Variants in WWC1 observed in about 807,000 individuals in gnomAD.
WWC1 encodes protein KIBRA.
Under a neutral mutation model 138.4 loss-of-function variants are expected in WWC1, and 55 were observed. The ratio of observed to expected loss-of-function variants is 0.40; its 90% CI spans 0.32 to 0.50. The LOEUF (loss-of-function observed/expected upper bound fraction) is 0.50, where lower values mean the gene tolerates loss of function less well. Ranked by LOEUF, WWC1 falls within the 20% of genes least tolerant of loss-of-function variation. The probability of loss-of-function intolerance (pLI) is 0.72; values close to 1 mark genes in which losing one functional copy is unlikely to be tolerated. For missense variants in WWC1, 1,226 were observed against 1,420.4 expected (o/e 0.86, Z 2.20); for synonymous variants, 524 against 564.9 (o/e 0.93, Z 1.03).
chr5:168,415,041 C>T (rs1780501801), intron 9 of WWC1: 1 of 163,202 alleles, frequency 6.1e-6, no homozygotes, highest in Admixed American at 5.7e-5. Flanking sequence ...GTTTGTGACT[C>T]ACCAAATTGA....
At chr5:168,423,168 A>C (rs1221909255) in intron 10 of WWC1, among the ~76,000 whole-genome samples, 4 of 146,508 alleles carry the variant, frequency 2.7e-5, no homozygotes, top group African/African-American at 5.0e-5. Context: ...AAAAAAAAAA[A>C]AAAACACAGT....
intron 19 of WWC1, among the ~76,000 whole-genome samples, chr5:168,456,277 C>G (rs1246659914): frequency 6.6e-6 from 1 of 151,882 alleles, no homozygotes; most frequent in Non-Finnish European, 1.5e-5. Flanking sequence ...GCACTCCAGC[C>G]TGGGCAACAG....
rs78190947 is a variant in WWC1 at position 168,323,644 on chromosome 5, A to G, written c.119+31373A>G. Among the ~76,000 whole-genome samples the G allele has an allele frequency of 1.6e-3, 241 of 152,330 alleles. 5 individuals are homozygous for G. The East Asian group carries it at 0.041, about 26-fold the overall frequency. On this transcript the variant is annotated intron_variant, in intron 1 of 22. Coordinates refer to ENST00000265293, the MANE Select transcript of WWC1 (RefSeq NM_015238.3). Reference sequence around the variant, plus strand: ...TTTAGCAATTTGTGGGACATTATTAATCAGTCTAAGAAATGTGTATTTGCA... The same window carrying G: ...TTTAGCAATTTGTGGGACATTATTAGTCAGTCTAAGAAATGTGTATTTGCA...
chr5:168,365,599 T>C (rs577858932), intron 1 of WWC1, among the ~76,000 whole-genome samples: 10 of 152,162 alleles, frequency 6.6e-5, no homozygotes, highest in Non-Finnish European at 1.2e-4. Context: ...CGTAGGAAAG[T>C]AACTACCAGT....
chr5:168,301,993 C>CAGGG (rs1444739065), intron 1 of WWC1, among the ~76,000 whole-genome samples: 3 of 152,204 alleles, frequency 2.0e-5, no homozygotes, highest in African/African-American at 7.2e-5. Flanking sequence ...CCAGTCTTAT[C>CAGGG]AGGGGCAAGC....
chr5:168,356,068 A>G (rs1280956013), intron 1 of WWC1, among the ~76,000 whole-genome samples: 1 of 152,236 alleles, frequency 6.6e-6, no homozygotes, highest in Non-Finnish European at 1.5e-5. Flanking sequence ...CACACAGAGC[A>G]TGGGGATCGG....
intron 1 of WWC1, among the ~76,000 whole-genome samples, chr5:168,362,941 C>T (rs1775987098): frequency 6.6e-6 from 1 of 152,130 alleles, no homozygotes; most frequent in South Asian, 2.1e-4. Context: ...CCAGCCCTCC[C>T]TCCTCTTCTT....
rs536882415 is a variant in WWC1 at position 168,346,737 on chromosome 5, T to C, written c.120-24687T>C. 2.6e-5 allele frequency among the ~76,000 whole-genome samples: 4 copies of C among 152,252 alleles called. No homozygotes were observed. The East Asian group carries it at 5.8e-4, about 22-fold the overall frequency. On this transcript the variant is annotated intron_variant, in intron 1 of 22. Coordinates refer to ENST00000265293, the MANE Select transcript of WWC1 (RefSeq NM_015238.3). ...CATGCTTGGTATGCTGTGAGTGAGA[T>C]TGTTCTGTAAGTTGGTGGTGGCTTA...
intron 1 of WWC1, chr5:168,316,901 C>G (rs1305763169): frequency 6.6e-6 from 1 of 152,148 alleles, no homozygotes; most frequent in African/African-American, 2.4e-5. Flanking sequence ...TCCCTTCTCA[C>G]CAAATTACAC....
intron 1 of WWC1, among the ~76,000 whole-genome samples, chr5:168,315,760 C>T (rs1051251359): frequency 6.6e-6 from 1 of 152,028 alleles, no homozygotes; most frequent in Non-Finnish European, 1.5e-5. Context: ...GACGAATGGT[C>T]GCTTCCCGTT....
At chr5:168,430,273 T>C in intron 14 of WWC1, 50 bp downstream of exon 14, 1 of 1,517,134 alleles carries the variant, frequency 6.6e-7, no homozygotes, top group Non-Finnish European at 9.1e-7. Flanking sequence ...CCTCTGGAGT[T>C]ACCCCTGGGG....
At chr5:168,399,319 C>G (rs1438451172) in intron 4 of WWC1, among the ~76,000 whole-genome samples, 169 bp from the exon 5 acceptor site, 2 of 152,166 alleles carry the variant, frequency 1.3e-5, no homozygotes, top group Non-Finnish European at 2.9e-5. Flanking sequence ...AGACCAAGGC[C>G]AACATCGGTG....
chr5:168,408,028 ATTTTTTT>A (rs1181472544), intron 6 of WWC1, among the ~76,000 whole-genome samples: 1 of 117,454 alleles, frequency 8.5e-6, no homozygotes, highest in African/African-American at 3.2e-5. Flanking sequence ...ACATCCAGCT[ATTTTTTT>A]TTTTTTTTTT....
chr5:168,333,195 G>A (rs1209324403), intron 1 of WWC1, among the ~76,000 whole-genome samples: 2 of 152,184 alleles, frequency 1.3e-5, no homozygotes, highest in Non-Finnish European at 2.9e-5. Context: ...GAAGCTCACA[G>A]GGGTTTCAAA....
At chr5:168,337,881 T>C (rs1286450439) in intron 1 of WWC1, among the ~76,000 whole-genome samples, 1 of 152,150 alleles carries the variant, frequency 6.6e-6, no homozygotes. Context: ...GAGGATGGCA[T>C]TCCTGGCATG....
At chr5:168,316,065 C>G (rs945497518) in intron 1 of WWC1, among the ~76,000 whole-genome samples, 16 of 152,334 alleles carry the variant, frequency 1.1e-4, no homozygotes, top group Admixed American at 4.6e-4. Flanking sequence ...AGGCCTCCCC[C>G]CTCTTTTCAG....
intron 15 of WWC1, among the ~76,000 whole-genome samples, chr5:168,434,159 T>A (rs1451415697): frequency 1.3e-5 from 2 of 152,220 alleles, no homozygotes; most frequent in Admixed American, 6.5e-5. Context: ...TATTTTCTTC[T>A]CCTAATTGGA....
intron 18 of WWC1, among the ~76,000 whole-genome samples, chr5:168,454,588 G>A (rs1756133837): frequency 6.6e-6 from 1 of 152,176 alleles, no homozygotes; most frequent in Admixed American, 6.5e-5. Flanking sequence ...ATTACAGCAG[G>A]ATTCACTCTC....
chr5:168,399,392 A>C (rs1394310946), intron 4 of WWC1, 96 bp from the exon 5 acceptor site: 14 of 1,274,044 alleles, frequency 1.1e-5, no homozygotes, highest in Non-Finnish European at 1.6e-5. Context: ...ATGCAGGCGC[A>C]GTGGGAGGCT....
Sources: gnomAD v4.1 joint callset for allele counts (sites outside exome capture counted in the v4.1 genomes callset) on GRCh38, gnomAD v4.1.1 for gene constraint, MANE v1.5 for transcripts, NCBI Gene and HGNC (gene_info 2026-07-23, HGNC 2026-07-21) for gene names.